The following DLC1 variants were observed in gnomAD, a reference collection of about 807,000 sequenced individuals.
The protein encoded by DLC1 is rho GTPase-activating protein 7.
A neutral mutation model predicts 140.3 loss-of-function variants in DLC1; 54 were observed. The ratio of observed to expected loss-of-function variants is 0.38; its 90% CI spans 0.31 to 0.48. The LOEUF is 0.48. Among genes scored for constraint, DLC1 ranks in the 20% least tolerant of loss-of-function variants. DLC1 has a pLI of 0.96. For missense variants in DLC1, 2,536 were observed against 1,907.0 expected (o/e 1.33, Z -6.14); for synonymous variants, 986 against 728.1 (o/e 1.35, Z -5.70).
At chr8:13,090,578 G>C (rs2128928884) in intron 14 of DLC1, 108 bp from the exon 15 acceptor site, 1 of 1,309,610 alleles carries the variant, frequency 7.6e-7, no homozygotes, top group Non-Finnish European at 1.0e-6. Flanking sequence ...CCTTAAAGCA[G>C]TGCAGGCATC....
At chr8:13,142,457 G>C (rs1823074977) in intron 5 of DLC1, among the ~76,000 whole-genome samples, 1 of 152,074 alleles carries the variant, frequency 6.6e-6, no homozygotes, top group African/African-American at 2.4e-5. Flanking sequence ...GATTAGAAAA[G>C]TCTGCTAAAT....
chr8:13,136,690 A>G (rs1400809736), intron 5 of DLC1, among the ~76,000 whole-genome samples: 2 of 152,172 alleles, frequency 1.3e-5, no homozygotes, highest in East Asian at 3.9e-4. Context: ...GCGTGCCACC[A>G]CATCTGGCTA....
chr8:13,572,827 C>G (rs989885860), intron 1 of DLC1, among the ~76,000 whole-genome samples: 2 of 152,058 alleles, frequency 1.3e-5, no homozygotes, highest in East Asian at 3.9e-4. Flanking sequence ...AAATTCTGTT[C>G]CATTGGTCTC....
At chr8:13,323,065 G>A (rs2116912055) in intron 4 of DLC1, among the ~76,000 whole-genome samples, 1 of 152,238 alleles carries the variant, frequency 6.6e-6, no homozygotes, top group East Asian at 1.9e-4. Flanking sequence ...AGACACTCCA[G>A]GCCTAGTCAA....
At chr8:13,493,954 T>G (rs1801380996) in intron 2 of DLC1, among the ~76,000 whole-genome samples, 1 of 152,208 alleles carries the variant, frequency 6.6e-6, no homozygotes, top group African/African-American at 2.4e-5. Flanking sequence ...TATTTGATTT[T>G]TATCAGTCAT....
At chr8:13,474,078 G>A (rs935377052) in intron 2 of DLC1, among the ~76,000 whole-genome samples, 5 of 152,184 alleles carry the variant, frequency 3.3e-5, no homozygotes, top group African/African-American at 1.2e-4. Flanking sequence ...AGGTCTTCAT[G>A]GCAGCCCCTC....
Position 13,433,693 on chromosome 8 carries a change from C to G in DLC1, c.1024-32074G>C, listed in dbSNP as rs373731187. On this transcript the variant is annotated intron_variant, in intron 2 of 17. Coordinates refer to ENST00000276297, the MANE Select transcript of DLC1 (RefSeq NM_182643.3). The stretch of plus-strand genomic sequence containing the variant: ...ATGTACAATGTCAGGTGTTTTTGTC[C>G]TATAAATTTTGACATGCTCTGTTGA... 2.3e-4 allele frequency among the ~76,000 whole-genome samples: 35 copies of G among 152,152 alleles called. No homozygotes were observed. The East Asian group carries it at 2.3e-3, about 10-fold the overall frequency.
intron 1 of DLC1, among the ~76,000 whole-genome samples, chr8:13,580,903 A>C (rs1805070894): frequency 6.6e-6 from 1 of 152,174 alleles, no homozygotes; most frequent in Non-Finnish European, 1.5e-5. Context: ...TGAGGGGGTG[A>C]GGATGGGTGA....
intron 3 of DLC1, among the ~76,000 whole-genome samples, chr8:13,399,430 C>G (rs1362091874): frequency 2.0e-5 from 3 of 152,182 alleles, no homozygotes; most frequent in East Asian, 1.9e-4. Context: ...AGGTAAATTA[C>G]TCATCCTCTC....
At chr8:13,535,140 C>T (rs1367511730) in intron 1 of DLC1, among the ~76,000 whole-genome samples, 1 of 152,038 alleles carries the variant, frequency 6.6e-6, no homozygotes, top group Non-Finnish European at 1.5e-5. Context: ...ATTAAATTAA[C>T]AGAAGACATT....
chr8:13,578,614 C>G (rs1225448722), intron 1 of DLC1, among the ~76,000 whole-genome samples: 1 of 152,146 alleles, frequency 6.6e-6, no homozygotes, highest in Non-Finnish European at 1.5e-5. Context: ...TTCCCAGGAC[C>G]CTCTCCTCAG....
intron 5 of DLC1, among the ~76,000 whole-genome samples, chr8:13,270,627 T>C (rs1334948995): frequency 6.6e-6 from 1 of 152,240 alleles, no homozygotes; most frequent in East Asian, 1.9e-4. Context: ...CATTTCCTTT[T>C]GGAGTTCACA....
At chr8:13,104,600 A>T (rs1274684718) in intron 7 of DLC1, among the ~76,000 whole-genome samples, 3 of 152,184 alleles carry the variant, frequency 2.0e-5, no homozygotes, top group African/African-American at 7.2e-5. Context: ...CATTTTCATA[A>T]GATCAGATCA....
At chr8:13,298,439 G>T (rs944205871) in intron 5 of DLC1, among the ~76,000 whole-genome samples, 1 of 152,170 alleles carries the variant, frequency 6.6e-6, no homozygotes, top group South Asian at 2.1e-4. Flanking sequence ...AAGTCAGTAA[G>T]ATTATAGCCA....
At chr8:13,121,418 T>C (rs1026429732) in intron 5 of DLC1, among the ~76,000 whole-genome samples, 1 of 152,224 alleles carries the variant, frequency 6.6e-6, no homozygotes, top group Non-Finnish European at 1.5e-5. Flanking sequence ...AACCCATCTT[T>C]ACCTGATGGG....
chr8:13,173,951 A>AT, intron 5 of DLC1, among the ~76,000 whole-genome samples: 2 of 152,116 alleles, frequency 1.3e-5, no homozygotes, highest in Non-Finnish European at 2.9e-5. Flanking sequence ...GGTATGAACG[A>AT]TCTCATCACC....
At chr8:13,450,088 A>G (rs1798969812) in intron 2 of DLC1, among the ~76,000 whole-genome samples, 1 of 152,144 alleles carries the variant, frequency 6.6e-6, no homozygotes, top group Non-Finnish European at 1.5e-5. Context: ...ACTAAAATAA[A>G]TCAAATTAAG....
rs187743951 is a variant in DLC1, at chr8:13,088,766, G to A, written c.4075-62C>T. 6.5e-4 allele frequency: 957 copies of A among 1,482,742 alleles called. 2 individuals are homozygous for A. In the Middle Eastern group the frequency reaches 0.017, roughly 27 times the overall value. The allele number at this position is 1,482,742 out of a possible 1,614,324, so 91.8% of individuals were successfully genotyped here. The stretch of plus-strand genomic sequence containing the variant: ...CCATACACACCTAGTTTTTGAAGTC[G>A]AATTGTTAGTTAGACTAACAATTTT... On this transcript the variant is annotated intron_variant, in intron 15 of 17. Coordinates refer to ENST00000276297, the MANE Select transcript of DLC1 (RefSeq NM_182643.3).
At chr8:13,456,265 C>A (rs921030276) in intron 2 of DLC1, among the ~76,000 whole-genome samples, 1 of 152,058 alleles carries the variant, frequency 6.6e-6, no homozygotes, top group African/African-American at 2.4e-5. Flanking sequence ...TGCCCTTTTT[C>A]TTCTCAATTA....
Sources: allele counts gnomAD v4.1 joint callset (sites outside exome capture counted in the v4.1 genomes callset), GRCh38; gene constraint gnomAD v4.1.1; transcripts MANE v1.5; gene names NCBI Gene and HGNC (gene_info 2026-07-23, HGNC 2026-07-21).